The following ZNF442 variants were observed in gnomAD, a reference collection of about 807,000 sequenced individuals.
ZNF442 encodes the protein zinc finger protein 442.
Under a neutral mutation model 57.0 loss-of-function variants are expected in ZNF442, and 45 were observed. The observed-to-expected ratio is 0.79, with a 90% CI of 0.62 to 1.01. The LOEUF (loss-of-function observed/expected upper bound fraction) is 1.01, where lower values mean the gene tolerates loss of function less well. Among genes scored for constraint, ZNF442 ranks in the 50% least tolerant of loss-of-function variants. ZNF442 has a pLI of 0.00. For synonymous variants in ZNF442, 213 were observed against 241.8 expected, an observed-to-expected ratio of 0.88 and a Z score of 1.10; for missense variants, 690 against 756.5, an observed-to-expected ratio of 0.91 and a Z score of 1.03.
intron 5 of ZNF442, 49 bp from the exon 6 acceptor site, chr19:12,351,367 TTA>T (rs772196592): frequency 6.6e-7 from 1 of 1,507,408 alleles, no homozygotes; most frequent in African/African-American, 1.4e-5. Flanking sequence ...ATAAATGACT[TTA>T]TGTTTATTAG....
Position 12,349,201 on chromosome 19 carries a change from TAA to T in ZNF442, c.*498_*499del, listed in dbSNP as rs112496719. On this transcript the variant is annotated 3_prime_UTR_variant, in exon 6 of 6. Coordinates refer to ENST00000242804, the MANE Select transcript of ZNF442 (RefSeq NM_030824.3). Reference sequence around the variant, plus strand: ...GGGCAATAAGAGTGAAACTCTGTCTTAAAAAAAAAAAAAAGAAAAAAAGAAAC... The same window carrying T: ...GGGCAATAAGAGTGAAACTCTGTCTTAAAAAAAAAAAAGAAAAAAAGAAAC... 32 of 135,384 alleles carry T rather than the reference TAA, an allele frequency of 2.4e-4. No individual in the cohort carries two copies. Among genetic ancestry groups the T allele is most frequent in the African/African-American group, 4.8e-4 (18 of 37,328 alleles). The allele number at this position is 135,384 out of a possible 1,614,324, so 8.4% of individuals were successfully genotyped here. A position where few individuals can be genotyped will look rare whatever the true frequency, so the allele number is the denominator to read the frequency against.
chr19:12,351,763 A>G, intron 5 of ZNF442: 1 of 418,540 alleles, frequency 2.4e-6, no homozygotes, highest in Non-Finnish European at 4.3e-6. Context: ...TTGGCCTCCC[A>G]AAGTGCTGGG....
chr19:12,355,151 C>A (rs1264668133), intron 3 of ZNF442, among the ~76,000 whole-genome samples: 1 of 151,272 alleles, frequency 6.6e-6, no homozygotes, highest in Non-Finnish European at 1.5e-5. Flanking sequence ...ACTAGCCGGG[C>A]GTGGTGGCGG....
chr19:12,373,411 G>T, the ZNF442 span, among the ~76,000 whole-genome samples: 17 of 152,050 alleles, frequency 1.1e-4, no homozygotes, highest in African/African-American at 2.7e-4. Context: ...GCATGGTGGC[G>T]CACACCTATA....
At chr19:12,362,953 C>A (rs1357525028) in intron 3 of ZNF442, among the ~76,000 whole-genome samples, 1 of 150,786 alleles carries the variant, frequency 6.6e-6, no homozygotes, top group African/African-American at 2.5e-5. Context: ...ACCAGCCTGG[C>A]CAACATAGTG....
chr19:12,370,123 T>C (rs376005661), upstream of ZNF442, among the ~76,000 whole-genome samples: 4 of 151,792 alleles, frequency 2.6e-5, no homozygotes, highest in African/African-American at 7.3e-5. Context: ...TATTATTACA[T>C]TGTAATATAT....
At position 12,348,439 on chromosome 19, in the gene ZNF442, G is replaced by A. The variant is rs1969160073; in HGVS notation, c.*1262C>T. 1 of 152,100 alleles carries A rather than the reference G, an allele frequency of 6.6e-6. No homozygotes were observed. Among genetic ancestry groups the A allele is most frequent in the Non-Finnish European group, 1.5e-5 (1 of 67,990 alleles). 9.4% of individuals were successfully genotyped at this position (152,100 alleles called of 1,614,324 possible). A position where few individuals can be genotyped will look rare whatever the true frequency, so the allele number is the denominator to read the frequency against. On this transcript the variant is annotated 3_prime_UTR_variant, in exon 6 of 6. Transcript: ENST00000242804. ...GAACAAAACCTCTGTGTCACCCAAG[G>A]GATAACATGCCAACAAACACTGCAA...
At chr19:12,351,513 A>G (rs1969238170) in intron 5 of ZNF442, among the ~76,000 whole-genome samples, 195 bp from the exon 6 acceptor site, 3 of 152,110 alleles carry the variant, frequency 2.0e-5, no homozygotes, top group Non-Finnish European at 4.4e-5. Flanking sequence ...AACACATGAA[A>G]TTCTTTTTTT....
chr19:12,366,751 C>A (rs965068220), upstream of ZNF442, among the ~76,000 whole-genome samples: 111 of 152,170 alleles, frequency 7.3e-4, no homozygotes, highest in African/African-American at 2.6e-3. Context: ...CTGCCTCAGC[C>A]TCCCGAGTAG....
chr19:12,361,930 C>T (rs1028872758), intron 3 of ZNF442, among the ~76,000 whole-genome samples: 5 of 152,212 alleles, frequency 3.3e-5, no homozygotes, highest in South Asian at 4.1e-4. Context: ...CCGTGTTGGC[C>T]GGGCTGGTCT....
intron 3 of ZNF442, among the ~76,000 whole-genome samples, chr19:12,357,383 G>C (rs1315683928): frequency 9.2e-6 from 1 of 108,892 alleles, no homozygotes; most frequent in South Asian, 2.8e-4. Context: ...ACAGAGTCTC[G>C]CTCTGCCGCC....
rs576410064 is a variant in ZNF442 at position 12,358,045 on chromosome 19, C to G, written c.79-4931G>C. On this transcript the variant is annotated intron_variant, in intron 3 of 5. Coordinates refer to ENST00000242804, the MANE Select transcript of ZNF442 (RefSeq NM_030824.3). ...TGGCGCGATCTCGGCTCACTGCATC[C>G]TCTGCCTCCTGGGTTTAAGCAATTC... is the stretch of plus-strand genomic sequence containing the variant. 5.9e-5 allele frequency among the ~76,000 whole-genome samples: 9 copies of G among 151,740 alleles called. No individual in the cohort carries two copies. In the South Asian group the frequency reaches 1.7e-3, roughly 28 times the overall value.
At position 12,350,736 on chromosome 19, in the gene ZNF442, A is replaced by G. The variant is rs1969215253; in HGVS notation, c.849T>C (p.His283=). ...GTTTTTCTCCAGTGTGAGTTCTTTC[A>G]TGTCTTACATAGGAACTGTAATCAG... The part of the protein sequence containing the change: ...AFPDYSSYVR[H]ERTHTGEKPY... The change falls in exon 6 of 6, where the codon CAT becomes CAC. Residue 283 remains histidine, a synonymous_variant. Transcript: ENST00000242804. The G allele has an allele frequency of 6.2e-7, 1 of 1,613,902 alleles. No individual in the cohort carries two copies. The highest frequency in any genetic ancestry group is 1.1e-5 in the South Asian group (1 of 91,036).
At position 12,348,252 on chromosome 19, in the gene ZNF442, A is replaced by C. The variant is rs560446734; in HGVS notation, c.*1449T>G. ...CAGCTACTCTGGAGGCTGAGGCAGG[A>C]GAATCGCTTGAATCTGGGAGGTGGA... On this transcript the variant is annotated 3_prime_UTR_variant, in exon 6 of 6. Coordinates refer to ENST00000242804, the MANE Select transcript of ZNF442 (RefSeq NM_030824.3). The C allele has an allele frequency of 8.5e-5, 13 of 152,356 alleles. 1 individual carries two copies. Among genetic ancestry groups the C allele is most frequent in the African/African-American group, 2.6e-4 (11 of 41,546 alleles). The allele number at this position is 152,356 out of a possible 1,614,324, so 9.4% of individuals were successfully genotyped here. A position where few individuals can be genotyped will look rare whatever the true frequency, so the allele number is the denominator to read the frequency against.
chr19:12,368,058 A>G (rs1410521756), upstream of ZNF442, among the ~76,000 whole-genome samples: 1 of 152,198 alleles, frequency 6.6e-6, no homozygotes, highest in Non-Finnish European at 1.5e-5. Flanking sequence ...CTGCAAGAAG[A>G]AAAATATGGC....
chr19:12,356,890 T>C (rs893530308), intron 3 of ZNF442, among the ~76,000 whole-genome samples: 1 of 152,206 alleles, frequency 6.6e-6, no homozygotes. Context: ...ATCCATAATC[T>C]ACAATACAAC....
At chr19:12,372,380 A>T in the ZNF442 span, among the ~76,000 whole-genome samples, 1 of 151,842 alleles carries the variant, frequency 6.6e-6, no homozygotes, top group Non-Finnish European at 1.5e-5. Flanking sequence ...AATCGCTTGA[A>T]CCTAGGAGGT....
chr19:12,361,910 C>T lies in ZNF442; in HGVS notation c.78+1644G>A, dbSNP rs1969434546. On this transcript the variant is annotated intron_variant, in intron 3 of 5. Coordinates refer to ENST00000242804, the MANE Select transcript of ZNF442 (RefSeq NM_030824.3). ...GGTTTTCATATTTTTTTGGTGGAGA[C>T]GGGGTTTCACCGTGTTGGCCGGGCT... 3.3e-5 allele frequency among the ~76,000 whole-genome samples: 5 copies of T among 152,288 alleles called. No homozygotes were observed. The South Asian group carries it at 8.3e-4, about 25-fold the overall frequency.
upstream of ZNF442, among the ~76,000 whole-genome samples, chr19:12,368,483 T>G (rs923778017): frequency 6.6e-6 from 1 of 152,172 alleles, no homozygotes; most frequent in Non-Finnish European, 1.5e-5. Flanking sequence ...AGCCGGTCCC[T>G]CCATTCGGGG....
Sources: allele counts gnomAD v4.1 joint callset (sites outside exome capture counted in the v4.1 genomes callset), GRCh38; gene constraint gnomAD v4.1.1; transcripts MANE v1.5; gene names NCBI Gene and HGNC (gene_info 2026-07-23, HGNC 2026-07-21).